GRIP1: variants seen among roughly 807,000 people sequenced by gnomAD.
GRIP1 encodes the protein glutamate receptor interacting protein 1.
A neutral mutation model predicts 129.9 loss-of-function variants in GRIP1; 45 were observed. That is an observed-to-expected ratio of 0.35 (90% CI 0.27 to 0.44). The LOEUF is 0.44. Among genes scored for constraint, GRIP1 ranks in the 20% least tolerant of loss-of-function variants. GRIP1 has a pLI of 1.00. For missense variants in GRIP1, 1,196 were observed against 1,396.8 expected (o/e 0.86, Z 2.29); for synonymous variants, 530 against 520.8 (o/e 1.02, Z -0.24).
At chr12:66,958,864 C>T (rs1422995964) in intron 1 of GRIP1, among the ~76,000 whole-genome samples, 1 of 152,092 alleles carries the variant, frequency 6.6e-6, no homozygotes, top group Non-Finnish European at 1.5e-5. Flanking sequence ...ATGCATATTA[C>T]GAAAGGGGCT....
chr12:66,837,491 A>G (rs1305464324), intron 1 of GRIP1, among the ~76,000 whole-genome samples: 1 of 152,236 alleles, frequency 6.6e-6, no homozygotes, highest in African/African-American at 2.4e-5. Flanking sequence ...CCACAGGCCT[A>G]CTGTAATTAG....
At chr12:66,917,447 T>A (rs771573751) in intron 1 of GRIP1, among the ~76,000 whole-genome samples, 1 of 152,234 alleles carries the variant, frequency 6.6e-6, no homozygotes, top group East Asian at 1.9e-4. Context: ...TCAAAGAGCA[T>A]CTATTCTTAA....
intron 9 of GRIP1, among the ~76,000 whole-genome samples, chr12:66,458,152 G>C (rs1338899077): frequency 1.3e-5 from 2 of 152,042 alleles, no homozygotes; most frequent in African/African-American, 4.8e-5. Flanking sequence ...CTATAATTTT[G>C]TTACCCTAAA....
chr12:66,490,582 G>T (rs1468582430), intron 7 of GRIP1, among the ~76,000 whole-genome samples: 1 of 151,830 alleles, frequency 6.6e-6, no homozygotes, highest in Non-Finnish European at 1.5e-5. Context: ...AAGATTTCAT[G>T]ATGAAAATAC....
chr12:66,889,150 C>T (rs1261095420), intron 1 of GRIP1, among the ~76,000 whole-genome samples: 1 of 152,098 alleles, frequency 6.6e-6, no homozygotes, highest in Non-Finnish European at 1.5e-5. Flanking sequence ...GGATGTGGTA[C>T]ATACATTCCT....
At chr12:66,878,222 A>G (rs1226682665) in intron 1 of GRIP1, among the ~76,000 whole-genome samples, 1 of 152,106 alleles carries the variant, frequency 6.6e-6, no homozygotes, top group East Asian at 1.9e-4. Flanking sequence ...CCTGCAGGAC[A>G]TACACACACA....
chr12:66,456,322 T>A lies in GRIP1; in HGVS notation c.1063A>T (p.Arg355Trp). ...GCCCAGGAATCCCAGGTAAGTTGCC[T>A]GTCGCTCCTCTGAATTTTCACTGCC... ...PDHVKIQRSD[R>W]QLTWDSWASN... Residue 355 changes from arginine to tryptophan, a missense_variant, in exon 10 of 25, where the codon AGG becomes TGG. Coordinates refer to ENST00000359742, the MANE Select transcript of GRIP1 (RefSeq NM_001366722.1). 7.8e-7 allele frequency: 1 copy of A among 1,289,376 alleles called. No individual in the cohort carries two copies. The highest frequency in any genetic ancestry group is 1.0e-6 in the Non-Finnish European group (1 of 988,334). The allele number at this position is 1,289,376 out of a possible 1,614,324, so 79.9% of individuals were successfully genotyped here.
chr12:66,471,105 C>A (rs941015656), intron 7 of GRIP1, among the ~76,000 whole-genome samples: 1 of 152,294 alleles, frequency 6.6e-6, no homozygotes, highest in Non-Finnish European at 1.5e-5. Flanking sequence ...CCATATAGGT[C>A]ATGGCAGAGC....
intron 1 of GRIP1, among the ~76,000 whole-genome samples, chr12:66,909,611 A>G (rs2040995654): frequency 6.6e-6 from 1 of 152,242 alleles, no homozygotes; most frequent in Admixed American, 6.5e-5. Flanking sequence ...GAATTTACTA[A>G]GTGCCTAAAG....
At chr12:67,006,206 T>G (rs968686217) in intron 1 of GRIP1, among the ~76,000 whole-genome samples, 1 of 151,984 alleles carries the variant, frequency 6.6e-6, no homozygotes, top group African/African-American at 2.4e-5. Context: ...CAAAGGCAAG[T>G]GAAAAACCAC....
chr12:67,023,847 A>G (rs1438260044), intron 1 of GRIP1, among the ~76,000 whole-genome samples: 1 of 152,086 alleles, frequency 6.6e-6, no homozygotes, highest in Non-Finnish European at 1.5e-5. Context: ...CTGCCAGTAT[A>G]TGTTTCCATG....
chr12:66,612,395 C>G (rs2064841690), intron 1 of GRIP1, among the ~76,000 whole-genome samples: 1 of 152,086 alleles, frequency 6.6e-6, no homozygotes, highest in Non-Finnish European at 1.5e-5. Flanking sequence ...TTCAGTGGTT[C>G]TGTGTGTAAT....
chr12:66,582,936 C>T (rs1350424706), intron 2 of GRIP1, among the ~76,000 whole-genome samples: 2 of 150,196 alleles, frequency 1.3e-5, no homozygotes, highest in Non-Finnish European at 3.0e-5. Context: ...CAAAAAAGAG[C>T]CCGCATCGCC....
intron 23 of GRIP1, among the ~76,000 whole-genome samples, chr12:66,364,939 C>T (rs2055044954): frequency 6.6e-6 from 1 of 151,962 alleles, no homozygotes; most frequent in African/African-American, 2.4e-5. Flanking sequence ...GTCCCTTTTT[C>T]CCCAGGGCGT....
At chr12:66,980,986 C>T (rs2042235173) in intron 1 of GRIP1, among the ~76,000 whole-genome samples, 1 of 152,176 alleles carries the variant, frequency 6.6e-6, no homozygotes, top group African/African-American at 2.4e-5. Flanking sequence ...ATCCCTTCTG[C>T]AAATGTGCTG....
chr12:66,970,932 T>C (rs1292554311), intron 1 of GRIP1, among the ~76,000 whole-genome samples: 1 of 152,150 alleles, frequency 6.6e-6, no homozygotes, highest in East Asian at 1.9e-4. Context: ...CTGAGCGCAC[T>C]TCAAAGTCAT....
intron 7 of GRIP1, among the ~76,000 whole-genome samples, chr12:66,477,669 A>C (rs1198375730): frequency 2.0e-5 from 3 of 152,234 alleles, no homozygotes; most frequent in Non-Finnish European, 4.4e-5. Flanking sequence ...TGGTACTGGT[A>C]CCAAAACAGA....
At chr12:67,048,124 A>G (rs811333) in intron 1 of GRIP1, among the ~76,000 whole-genome samples, 51,596 of 151,200 alleles carry the variant, frequency 0.34, 10,345 homozygotes, top group Non-Finnish European at 0.47. Context: ...TATTCCCTGC[A>G]TGAGCTTCCT....
upstream of GRIP1, chr12:66,804,204 C>A (rs896269186): frequency 2.2e-6 from 1 of 450,110 alleles, no homozygotes; most frequent in Non-Finnish European, 4.5e-6. Flanking sequence ...CACCGTGCAG[C>A]GCGGCACAGC....
Sources: gnomAD v4.1 joint callset for allele counts (sites outside exome capture counted in the v4.1 genomes callset) on GRCh38, gnomAD v4.1.1 for gene constraint, MANE v1.5 for transcripts, NCBI Gene and HGNC (gene_info 2026-07-23, HGNC 2026-07-21) for gene names.